RAD51AP1: variants seen among roughly 807,000 people sequenced by gnomAD.
RAD51AP1 encodes RAD51 associated protein 1.
In RAD51AP1, 14 loss-of-function variants were observed where a neutral mutation model predicts 34.3. That is an observed-to-expected ratio of 0.41 (90% CI 0.27 to 0.64). The LOEUF is 0.64. RAD51AP1 is among the 30% of genes least tolerant of loss of function. The pLI is 0.33. For synonymous variants in RAD51AP1, 114 were observed against 129.8 expected (o/e 0.88, Z 0.83); for missense variants, 348 against 386.9 (o/e 0.90, Z 0.84).
chr12:4,545,314 T>A (rs1944498371), intron 3 of RAD51AP1: 1 of 404,000 alleles, frequency 2.5e-6, no homozygotes. Context: ...GATATACAGG[T>A]CACATATTAC....
intron 3 of RAD51AP1, among the ~76,000 whole-genome samples, chr12:4,546,069 AGTCATTGCAAAGAGGCACATG>A (rs1464468966): frequency 5.3e-5 from 8 of 152,182 alleles, no homozygotes; most frequent in Non-Finnish European, 8.8e-5. Context: ...GAAAGGGAAC[AGTCATTGCAAAGAGGCACATG>A]GTCCTCCTAT....
At position 4,559,176 on chromosome 12, in the gene RAD51AP1, G is replaced by GAA. The variant is rs1417223396; in HGVS notation, c.*184_*185dup. On this transcript the variant is annotated 3_prime_UTR_variant, in exon 9 of 9. Transcript: ENST00000352618. ...GTAAAACTCTTCAAGACTTCAATGA[G>GAA]AAGTTTGTTTATAAGAATTATCTTC... The GAA allele has an allele frequency of 2.1e-5, 13 of 631,970 alleles. No individual in the cohort carries two copies. The African/African-American group carries it at 2.2e-4, about 11-fold the overall frequency. 39.1% of individuals were successfully genotyped at this position (631,970 alleles called of 1,614,324 possible).
intron 6 of RAD51AP1, 21 bp from the exon 7 acceptor site, chr12:4,552,962 C>G (rs1944556483): frequency 6.5e-7 from 1 of 1,541,070 alleles, no homozygotes; most frequent in Non-Finnish European, 8.7e-7. Context: ...CAAAGATGAA[C>G]TATATAATCT....
chr12:4,553,880 A>G (rs547352417), intron 7 of RAD51AP1, among the ~76,000 whole-genome samples: 1 of 152,262 alleles, frequency 6.6e-6, no homozygotes, highest in Non-Finnish European at 1.5e-5. Context: ...TGCTATTGAT[A>G]TTAAAAGTTC....
At chr12:4,541,998 C>T (rs1206899817) in intron 2 of RAD51AP1, 65 bp downstream of exon 2, 12 of 1,087,046 alleles carry the variant, frequency 1.1e-5, no homozygotes, top group Middle Eastern at 2.2e-4. Context: ...ATTTATATGA[C>T]ATATATAGCT....
intron 1 of RAD51AP1, 95 bp downstream of exon 1, chr12:4,539,051 C>A (rs1021371426): frequency 2.8e-6 from 4 of 1,414,956 alleles, no homozygotes; most frequent in Non-Finnish European, 4.0e-6. Flanking sequence ...CGGAGGGCAG[C>A]GATGGTGGGG....
chr12:4,548,094 A>C lies in RAD51AP1; in HGVS notation c.322A>C (p.Ile108Leu). 6.3e-7 allele frequency: 1 copy of C among 1,595,804 alleles called. No homozygotes were observed. The highest frequency in any genetic ancestry group is 8.5e-7 in the Non-Finnish European group (1 of 1,175,510). The change falls in exon 5 of 9, where the codon ATT becomes CTT. Residue 108 changes from isoleucine to leucine, a missense_variant and splice_region_variant. Transcript: ENST00000352618. ...TNVQNSQDKS[I>L]EKHGSSKIET... ...TCTTTCTTATTCCTTATATTTAGGC[A>C]TTGAAAAACATGGCAGTAGTAAAAT...
chr12:4,554,570 A>G (rs531913652), intron 7 of RAD51AP1, among the ~76,000 whole-genome samples: 2 of 152,322 alleles, frequency 1.3e-5, no homozygotes, highest in Non-Finnish European at 2.9e-5. Context: ...ACCAAGACAC[A>G]CTAATAACTA....
chr12:4,544,016 T>C lies in RAD51AP1; in HGVS notation c.209+112T>C, dbSNP rs368729859. 36 of 815,434 alleles carry C rather than the reference T, an allele frequency of 4.4e-5. No individual in the cohort carries two copies. The South Asian group carries it at 5.0e-4, about 11-fold the overall frequency. The allele number at this position is 815,434 out of a possible 1,614,324, so 50.5% of individuals were successfully genotyped here. On this transcript the variant is annotated intron_variant, in intron 3 of 8. Coordinates refer to ENST00000352618, the MANE Select transcript of RAD51AP1 (RefSeq NM_006479.5). ...AACTTGGGCAGAGTCATAGGTCTTATTTTACTAGGTGCAGTCAGAAAACAG... is the reference window on the plus strand; with the variant it reads ...AACTTGGGCAGAGTCATAGGTCTTACTTTACTAGGTGCAGTCAGAAAACAG...
chr12:4,543,658 T>G (rs1944485138), intron 2 of RAD51AP1, 105 bp from the exon 3 acceptor site: 1 of 674,496 alleles, frequency 1.5e-6, no homozygotes, highest in African/African-American at 1.9e-5. Flanking sequence ...ATTGTGGAAA[T>G]TAAACAATTT....
intron 4 of RAD51AP1, among the ~76,000 whole-genome samples, chr12:4,547,237 T>C (rs912574852): frequency 5.9e-5 from 9 of 151,848 alleles, no homozygotes; most frequent in African/African-American, 2.2e-4. Flanking sequence ...CTGGCTAATT[T>C]TTTATTTTGT....
chr12:4,539,660 G>A (rs1944442125), intron 1 of RAD51AP1, among the ~76,000 whole-genome samples: 1 of 152,172 alleles, frequency 6.6e-6, no homozygotes, highest in Admixed American at 6.5e-5. Context: ...AGGCGATAAT[G>A]CATGCACTGA....
At chr12:4,556,913 A>G (rs924517016) in intron 8 of RAD51AP1, among the ~76,000 whole-genome samples, 1 of 152,222 alleles carries the variant, frequency 6.6e-6, no homozygotes, top group African/African-American at 2.4e-5. Flanking sequence ...CTTGGGATCT[A>G]TATGTGGCAA....
chr12:4,542,043 G>A (rs1944470955), intron 2 of RAD51AP1, 110 bp downstream of exon 2: 3 of 536,246 alleles, frequency 5.6e-6, no homozygotes, highest in Non-Finnish European at 9.5e-6. Flanking sequence ...TGCATATGAG[G>A]TAGGTCTGGA....
intron 1 of RAD51AP1, among the ~76,000 whole-genome samples, chr12:4,540,378 T>C (rs898562784): frequency 6.6e-6 from 1 of 152,202 alleles, no homozygotes; most frequent in African/African-American, 2.4e-5. Flanking sequence ...TCTAGAGGTC[T>C]ATGAGGTCAA....
chr12:4,545,729 A>G (rs1944501107), intron 3 of RAD51AP1: 5 of 1,600,594 alleles, frequency 3.1e-6, no homozygotes, highest in African/African-American at 2.7e-5. Flanking sequence ...TCTGCCTTTT[A>G]TAGGATAATT....
chr12:4,546,448 A>AAAGCT, intron 4 of RAD51AP1, 30 bp downstream of exon 4: 1 of 1,477,664 alleles, frequency 6.8e-7, no homozygotes. Flanking sequence ...ATTTAGCTTT[A>AAAGCT]AAACCTTCTT....
chr12:4,550,287 C>G (rs535861028), intron 6 of RAD51AP1, among the ~76,000 whole-genome samples: 3 of 152,224 alleles, frequency 2.0e-5, no homozygotes, highest in African/African-American at 7.2e-5. Context: ...ACTGTTTATC[C>G]TCTTGAGCCA....
intron 7 of RAD51AP1, among the ~76,000 whole-genome samples, chr12:4,554,988 GCACAAAA>G (rs1444153562): frequency 6.6e-6 from 1 of 152,164 alleles, no homozygotes; most frequent in Admixed American, 6.5e-5. Context: ...ATATTGGACA[GCACAAAA>G]CACAAAACAT....
Sources: gnomAD v4.1 joint callset for allele counts (sites outside exome capture counted in the v4.1 genomes callset) on GRCh38, gnomAD v4.1.1 for gene constraint, MANE v1.5 for transcripts, NCBI Gene and HGNC (gene_info 2026-07-23, HGNC 2026-07-21) for gene names.